INPP4B: variants seen among roughly 807,000 people sequenced by gnomAD.
The protein encoded by INPP4B is inositol polyphosphate-4-phosphatase type II B, also known as inositol polyphosphate 4-phosphatase type II.
INPP4B carries 55 observed loss-of-function variants against 122.5 expected under a neutral mutation model. The observed-to-expected ratio is 0.45, with a 90% CI of 0.36 to 0.56. INPP4B has a LOEUF of 0.56. Among genes scored for constraint, INPP4B ranks in the 20% least tolerant of loss-of-function variants. The probability of loss-of-function intolerance (pLI) is 0.00; values close to 1 mark genes in which losing one functional copy is unlikely to be tolerated. For missense variants in INPP4B, 1,000 were observed against 1,097.7 expected (o/e 0.91, Z 1.26); for synonymous variants, 403 against 388.7 (o/e 1.04, Z -0.43).
chr4:142,064,502 T>C (rs755403374), intron 25 of INPP4B, among the ~76,000 whole-genome samples: 13 of 152,088 alleles, frequency 8.5e-5, no homozygotes, highest in Non-Finnish European at 1.8e-4. Context: ...GCATATGAGA[T>C]GTTTGTTATA....
At chr4:142,192,396 T>C (rs1836373559) in intron 15 of INPP4B, among the ~76,000 whole-genome samples, 1 of 127,594 alleles carries the variant, frequency 7.8e-6, no homozygotes, top group Non-Finnish European at 1.7e-5. Context: ...AGGAAAGTAG[T>C]TATTCTTCAT....
chr4:142,498,109 G>GTA (rs1553944744), intron 2 of INPP4B, among the ~76,000 whole-genome samples: 44 of 89,942 alleles, frequency 4.9e-4, no homozygotes, highest in South Asian at 1.1e-3. Context: ...GTGTGTGTGT[G>GTA]TATATATATA....
Position 142,797,683 on chromosome 4 carries a change from C to CA in INPP4B, c.-254+48525dup, listed in dbSNP as rs373058721. On this transcript the variant is annotated intron_variant, in intron 1 of 25. Transcript: ENST00000262992. ...AAAGAAAATAATAAAAGATTGCTAACAAAAAAAAATGGCAATCATTTTGTC... is the reference window on the plus strand; with the variant it reads ...AAAGAAAATAATAAAAGATTGCTAACAAAAAAAAAATGGCAATCATTTTGTC... Among the ~76,000 whole-genome samples the CA allele has an allele frequency of 6.1e-3, 903 of 147,828 alleles. 8 individuals are homozygous for CA. The highest frequency in any genetic ancestry group is 0.02 in the African/African-American group (814 of 40,408).
intron 20 of INPP4B, among the ~76,000 whole-genome samples, chr4:142,122,650 C>T (rs985887003): frequency 1.3e-5 from 2 of 152,040 alleles, no homozygotes; most frequent in African/African-American, 2.4e-5. Flanking sequence ...CAAATGAAGC[C>T]TGACAGGGAG....
intron 2 of INPP4B, among the ~76,000 whole-genome samples, chr4:142,649,317 C>A (rs775444950): frequency 3.3e-5 from 5 of 152,196 alleles, no homozygotes; most frequent in Non-Finnish European, 7.3e-5. Flanking sequence ...CTCTTCTCCT[C>A]CAAAGGATCT....
chr4:142,562,702 A>T (rs572563171), intron 2 of INPP4B, among the ~76,000 whole-genome samples: 5 of 152,300 alleles, frequency 3.3e-5, no homozygotes, highest in African/African-American at 1.2e-4. Flanking sequence ...TTTAGAATCT[A>T]TAAGAAAAAA....
chr4:142,152,254 T>C (rs749501240), intron 17 of INPP4B, among the ~76,000 whole-genome samples: 2 of 151,582 alleles, frequency 1.3e-5, no homozygotes, highest in Non-Finnish European at 2.9e-5. Flanking sequence ...TTTTTGTATT[T>C]TTAGTAGAGA....
chr4:142,759,554 T>C (rs1770991785), intron 1 of INPP4B, among the ~76,000 whole-genome samples: 1 of 152,118 alleles, frequency 6.6e-6, no homozygotes, highest in African/African-American at 2.4e-5. Flanking sequence ...TGTTCTGCTT[T>C]GCATGAATTA....
intron 1 of INPP4B, among the ~76,000 whole-genome samples, chr4:142,822,066 T>C (rs1780857734): frequency 6.6e-6 from 1 of 152,120 alleles, no homozygotes; most frequent in Non-Finnish European, 1.5e-5. Context: ...GAGTTCCCTG[T>C]CACTGGAGAT....
chr4:142,463,460 A>G lies in INPP4B; in HGVS notation c.-190-734T>C, dbSNP rs560447494. Among the ~76,000 whole-genome samples, 23 of 152,258 alleles carry G rather than the reference A, an allele frequency of 1.5e-4. No individual in the cohort carries two copies. The South Asian group carries it at 4.8e-3, about 32-fold the overall frequency. ...CTCCATGTGACTCCACTGGGAGAGG[A>G]TAGCTGGGAGTTTGTTCCTAAACTT... On this transcript the variant is annotated intron_variant, in intron 2 of 25. Coordinates refer to ENST00000262992, the MANE Select transcript of INPP4B (RefSeq NM_001101669.3).
At chr4:142,427,363 T>C in intron 5 of INPP4B, 1 of 450,876 alleles carries the variant, frequency 2.2e-6, no homozygotes. Flanking sequence ...TGTTGTTGTT[T>C]CTTAGTATAT....
At chr4:142,071,809 A>T (rs1420461332) in intron 25 of INPP4B, among the ~76,000 whole-genome samples, 1 of 152,248 alleles carries the variant, frequency 6.6e-6, no homozygotes, top group African/African-American at 2.4e-5. Flanking sequence ...ACCAGTTACA[A>T]TGGCAATCAT....
intron 2 of INPP4B, among the ~76,000 whole-genome samples, chr4:142,675,119 T>C (rs1262468700): frequency 6.6e-6 from 1 of 151,386 alleles, no homozygotes; most frequent in African/African-American, 2.4e-5. Flanking sequence ...GCCAGACTAA[T>C]AAAGAAGAGA....
chr4:142,788,403 A>G (rs1280240034), intron 1 of INPP4B, among the ~76,000 whole-genome samples: 3 of 152,116 alleles, frequency 2.0e-5, no homozygotes, highest in Non-Finnish European at 2.9e-5. Flanking sequence ...ACGTTCTGCC[A>G]TGTCACCTAC....
chr4:142,164,402 GATT>G (rs1205260959), intron 16 of INPP4B, among the ~76,000 whole-genome samples: 1 of 151,810 alleles, frequency 6.6e-6, no homozygotes, highest in Non-Finnish European at 1.5e-5. Context: ...ATATGCAAGT[GATT>G]ATTATTTTAG....
intron 2 of INPP4B, among the ~76,000 whole-genome samples, chr4:142,605,886 C>A (rs1033280660): frequency 8.6e-5 from 13 of 151,944 alleles, no homozygotes; most frequent in Non-Finnish European, 1.9e-4. Flanking sequence ...CACCACCCAG[C>A]AATCCCACTA....
intron 17 of INPP4B, among the ~76,000 whole-genome samples, chr4:142,155,154 T>C (rs963903348): frequency 5.9e-5 from 9 of 152,050 alleles, no homozygotes; most frequent in Admixed American, 1.3e-4. Flanking sequence ...TTTGAAAAAG[T>C]TTAATCATAG....
intron 25 of INPP4B, chr4:142,029,123 T>G: frequency 7.8e-7 from 1 of 1,281,284 alleles, no homozygotes; most frequent in East Asian, 3.0e-5. Flanking sequence ...AGAGATGACT[T>G]AAGTCTCTTT....
chr4:142,477,674 C>A (rs954771333), intron 2 of INPP4B, among the ~76,000 whole-genome samples: 2 of 152,050 alleles, frequency 1.3e-5, no homozygotes, highest in Non-Finnish European at 2.9e-5. Flanking sequence ...ACTTAAAACC[C>A]TGGAAGAAAT....
Sources: allele counts gnomAD v4.1 joint callset (sites outside exome capture counted in the v4.1 genomes callset), GRCh38; gene constraint gnomAD v4.1.1; transcripts MANE v1.5; gene names NCBI Gene and HGNC (gene_info 2026-07-23, HGNC 2026-07-21).